Variants in XIRP2 observed in about 807,000 individuals in gnomAD.
XIRP2 encodes the protein xin actin-binding repeat-containing protein 2.
XIRP2 carries 236 observed loss-of-function variants against 277.0 expected under a neutral mutation model. The observed-to-expected ratio is 0.85, with a 90% CI of 0.77 to 0.95. The LOEUF (loss-of-function observed/expected upper bound fraction) is 0.95. XIRP2 is among the 40% of genes least tolerant of loss of function. The pLI, the probability that XIRP2 is intolerant of heterozygous loss-of-function variation, is 0.00. For synonymous variants in XIRP2, 1,490 were observed against 1,416.5 expected (o/e 1.05, Z -1.17); for missense variants, 4,640 against 4,157.5 (o/e 1.12, Z -3.19).
chr2:167,083,666 TG>T (rs1176389165), intron 2 of XIRP2, among the ~76,000 whole-genome samples: 2 of 152,192 alleles, frequency 1.3e-5, no homozygotes, highest in African/African-American at 4.8e-5. Flanking sequence ...TCACATCCCT[TG>T]TAAGTTGGAT....
At chr2:166,938,841 A>T (rs1415358459) in intron 2 of XIRP2, among the ~76,000 whole-genome samples, 1 of 152,212 alleles carries the variant, frequency 6.6e-6, no homozygotes, top group Non-Finnish European at 1.5e-5. Flanking sequence ...CTTTACCATT[A>T]TGTAATGGCC....
chr2:167,215,773 G>A (rs1469648265), intron 4 of XIRP2, among the ~76,000 whole-genome samples: 1 of 152,140 alleles, frequency 6.6e-6, no homozygotes, highest in East Asian at 1.9e-4. Context: ...CTGTTTCCTT[G>A]AGAATTATCC....
At chr2:167,142,676 C>T (rs1691754536) in intron 3 of XIRP2, among the ~76,000 whole-genome samples, 1 of 152,212 alleles carries the variant, frequency 6.6e-6, no homozygotes. Flanking sequence ...ACTTCTTAAA[C>T]TGAGTTCATG....
intron 2 of XIRP2, among the ~76,000 whole-genome samples, chr2:167,089,924 GA>G: frequency 6.6e-6 from 1 of 152,194 alleles, no homozygotes; most frequent in East Asian, 1.9e-4. Context: ...GACCTTACGA[GA>G]AAAAAGAATT....
chr2:166,896,061 ATAAGT>A (rs2105329489), intron 1 of XIRP2, among the ~76,000 whole-genome samples: 1 of 152,290 alleles, frequency 6.6e-6, no homozygotes, highest in East Asian at 1.9e-4. Context: ...CCCTGGACAA[ATAAGT>A]TAAGGACAAC....
At chr2:167,213,361 C>T (rs1694113582) in intron 4 of XIRP2, among the ~76,000 whole-genome samples, 1 of 152,126 alleles carries the variant, frequency 6.6e-6, no homozygotes, top group Non-Finnish European at 1.5e-5. Context: ...TTTTAATTGT[C>T]AGGGCTGGAA....
At chr2:166,936,826 T>C (rs1382809741) in intron 2 of XIRP2, among the ~76,000 whole-genome samples, 1 of 152,146 alleles carries the variant, frequency 6.6e-6, no homozygotes, top group East Asian at 1.9e-4. Flanking sequence ...CCTTGTAGTA[T>C]GGTTTGAAGT....
At chr2:166,955,757 A>G (rs574086348) in intron 2 of XIRP2, among the ~76,000 whole-genome samples, 1 of 151,160 alleles carries the variant, frequency 6.6e-6, no homozygotes, top group South Asian at 2.1e-4. Flanking sequence ...TGCTTCGAAT[A>G]TTTTGAAATA....
At chr2:167,236,706 T>G (rs988081018) in intron 5 of XIRP2, among the ~76,000 whole-genome samples, 3 of 152,132 alleles carry the variant, frequency 2.0e-5, no homozygotes, top group Non-Finnish European at 4.4e-5. Context: ...TTAATTGACC[T>G]GTGAACAAAA....
rs747563482 is a variant in XIRP2 at position 167,246,267 on chromosome 2, T to A, written c.4875T>A (p.Ile1625=). The A allele has an allele frequency of 5.6e-6, 9 of 1,613,418 alleles. No individual in the cohort carries two copies. The highest frequency in any genetic ancestry group is 6.8e-6 in the Non-Finnish European group (8 of 1,179,706). ...KRDCTEREIL[I]SEEEKGNVNL... is the part of the protein sequence containing the mutation. Reference sequence around the variant, plus strand: ...ACTGTACTGAAAGAGAGATTTTGATTAGTGAAGAAGAGAAGGGAAATGTTA... The same window carrying A: ...ACTGTACTGAAAGAGAGATTTTGATAAGTGAAGAAGAGAAGGGAAATGTTA... Residue 1625 remains isoleucine, a synonymous_variant, in exon 9 of 11, where the codon ATT becomes ATA. Coordinates refer to ENST00000409195, the MANE Select transcript of XIRP2 (RefSeq NM_152381.6).
intron 2 of XIRP2, among the ~76,000 whole-genome samples, chr2:167,022,308 G>C (rs1021306091): frequency 6.6e-6 from 1 of 152,052 alleles, no homozygotes; most frequent in East Asian, 1.9e-4. Flanking sequence ...AAAGTAAAAA[G>C]CAGGAAAATT....
intron 2 of XIRP2, among the ~76,000 whole-genome samples, chr2:166,966,760 G>A (rs1686444086): frequency 6.6e-6 from 1 of 151,980 alleles, no homozygotes; most frequent in African/African-American, 2.4e-5. Context: ...AGCTCTCCTA[G>A]TGTTCTGATG....
chr2:167,111,931 TCTAGTTTG>T (rs1481567026), intron 2 of XIRP2, among the ~76,000 whole-genome samples: 1 of 152,204 alleles, frequency 6.6e-6, no homozygotes, highest in Non-Finnish European at 1.5e-5. Flanking sequence ...TCCTGGATTT[TCTAGTTTG>T]TGTTCACAGA....
At chr2:166,998,316 C>T (rs1318716402) in intron 2 of XIRP2, among the ~76,000 whole-genome samples, 7 of 152,044 alleles carry the variant, frequency 4.6e-5, no homozygotes, top group African/African-American at 1.7e-4. Flanking sequence ...GTTAAGGTGA[C>T]TCCAAGATGT....
At position 166,910,499 on chromosome 2, in the gene XIRP2, C is replaced by T. The variant is rs191625184; in HGVS notation, c.408+6609C>T. ...TTTATGGCATCTATTTGATTCTTCTCTCTTTTCTTCTTTATTAGTCTTGCT... is the reference window on the plus strand; with the variant it reads ...TTTATGGCATCTATTTGATTCTTCTTTCTTTTCTTCTTTATTAGTCTTGCT... On this transcript the variant is annotated intron_variant, in intron 2 of 10. Coordinates refer to ENST00000409195, the MANE Select transcript of XIRP2 (RefSeq NM_152381.6). 3.9e-5 allele frequency among the ~76,000 whole-genome samples: 6 copies of T among 152,156 alleles called. No individual in the cohort carries two copies. In the East Asian group the frequency reaches 1.2e-3, roughly 29 times the overall value.
chr2:166,909,188 A>G (rs1264007523), intron 2 of XIRP2, among the ~76,000 whole-genome samples: 1 of 152,190 alleles, frequency 6.6e-6, no homozygotes, highest in Non-Finnish European at 1.5e-5. Context: ...ATGGCATTGA[A>G]TCTATAAATT....
At chr2:167,070,427 C>A (rs16852938) in intron 2 of XIRP2, among the ~76,000 whole-genome samples, 17,758 of 152,030 alleles carry the variant, frequency 0.12, 2,194 homozygotes, top group African/African-American at 0.31. Flanking sequence ...ATTCTGAGCT[C>A]ACTGAACTTC....
chr2:167,258,194 T>C lies in XIRP2; in HGVS notation c.*377T>C. Reference sequence around the variant, plus strand: ...TTCCAAGGAGATCCCTAAGAAAACCTTACCCTTTGAGGAAGAGCTCAAAAT... The same window carrying C: ...TTCCAAGGAGATCCCTAAGAAAACCCTACCCTTTGAGGAAGAGCTCAAAAT... On this transcript the variant is annotated 3_prime_UTR_variant, in exon 11 of 11. Coordinates refer to ENST00000409195, the MANE Select transcript of XIRP2 (RefSeq NM_152381.6). The C allele has an allele frequency of 6.2e-7, 1 of 1,613,024 alleles. No homozygotes were observed. Among genetic ancestry groups the C allele is most frequent in the Non-Finnish European group, 8.5e-7 (1 of 1,179,562 alleles).
chr2:167,144,784 A>G (rs976365681), intron 3 of XIRP2, among the ~76,000 whole-genome samples: 4 of 152,160 alleles, frequency 2.6e-5, no homozygotes, highest in Non-Finnish European at 5.9e-5. Context: ...ATGGCATCAG[A>G]ATATGAAGCC....
Sources: allele counts gnomAD v4.1 joint callset (sites outside exome capture counted in the v4.1 genomes callset), GRCh38; gene constraint gnomAD v4.1.1; transcripts MANE v1.5; gene names NCBI Gene and HGNC (gene_info 2026-07-23, HGNC 2026-07-21).